The following SCNN1A variants were observed in gnomAD, a reference collection of about 807,000 sequenced individuals.
SCNN1A encodes the protein sodium channel epithelial 1 subunit alpha.
A neutral mutation model predicts 68.6 loss-of-function variants in SCNN1A; 65 were observed. The observed-to-expected ratio is 0.95, with a 90% CI of 0.78 to 1.16. SCNN1A has a LOEUF of 1.16. Ranked by LOEUF, SCNN1A falls within the 50% of genes most tolerant of loss-of-function variation. The pLI, the probability that SCNN1A is intolerant of heterozygous loss-of-function variation, is 0.00. For missense variants in SCNN1A, 880 were observed against 865.9 expected (o/e 1.02, Z -0.20); for synonymous variants, 357 against 353.3 (o/e 1.01, Z -0.12).
chr12:6,347,131 G>C lies in SCNN1A; in HGVS notation c.*742C>G, dbSNP rs1320501958. On this transcript the variant is annotated 3_prime_UTR_variant, in exon 13 of 13. Coordinates refer to ENST00000228916, the MANE Select transcript of SCNN1A (RefSeq NM_001038.6). ...ACAAAAGTAATGGTGTCTGAGCAGG[G>C]TTCTAAGGGATGCATAGGAGTTCTC... is the stretch of plus-strand genomic sequence containing the variant. 3.9e-5 allele frequency: 6 copies of C among 152,534 alleles called. No individual in the cohort carries two copies. The highest frequency in any genetic ancestry group is 1.4e-4 in the African/African-American group (6 of 41,454). 9.4% of individuals were successfully genotyped at this position (152,534 alleles called of 1,614,324 possible).
chr12:6,377,114 G>T, upstream of SCNN1A: 1 of 636,988 alleles, frequency 1.6e-6, no homozygotes, highest in South Asian at 2.3e-5. Flanking sequence ...AGTTTAGCAG[G>T]CAAAGAAGAG....
At chr12:6,369,123 T>G (rs1217471637) in intron 2 of SCNN1A, among the ~76,000 whole-genome samples, 2 of 152,074 alleles carry the variant, frequency 1.3e-5, no homozygotes, top group Middle Eastern at 3.2e-3. Flanking sequence ...TTCCCCAGGC[T>G]GGCTCAAGTC....
Position 6,355,316 on chromosome 12 carries a change from A to C in SCNN1A, c.1099T>G (p.Phe367Val). 1 of 1,613,816 alleles carries C rather than the reference A, an allele frequency of 6.2e-7. No individual in the cohort carries two copies. The highest frequency in any genetic ancestry group is 8.5e-7 in the Non-Finnish European group (1 of 1,179,896). ...GTCTCCACGCCAGGCCGCAAGTTAA[A>C]GCCACCATCATCCATAAAGGCAGGT... ...DEPAFMDDGGFNLRPGVETSI... is the reference protein window; with the variant it reads ...DEPAFMDDGGVNLRPGVETSI... The change falls in exon 6 of 13, where the codon TTT (phenylalanine) becomes GTT (valine). Residue 367 changes from phenylalanine to valine, a missense_variant. Phe to Val is a conservative substitution (Grantham distance 50). Coordinates refer to ENST00000228916, the MANE Select transcript of SCNN1A (RefSeq NM_001038.6).
rs574585318 is a variant in SCNN1A, at chr12:6,362,185, C to T, written c.741G>A (p.Ala247=). Residue 247 remains alanine (A), a synonymous_variant, in exon 4 of 13, where the codon GCG becomes GCA. Transcript: ENST00000228916. ...FYQTYSSGVD[A]VREWYRFHYI... ...AGTGGAAGCGGTACCACTCCCTCAC[C>T]GCATCCACCCCTGATGAGTATGTCT... The T allele has an allele frequency of 2.9e-5, 47 of 1,614,194 alleles. No homozygotes were observed. Among genetic ancestry groups the T allele is most frequent in the African/African-American group, 6.7e-5 (5 of 75,060 alleles).
At chr12:6,354,710 T>C (rs202244828) in intron 7 of SCNN1A, 40 bp downstream of exon 7, 9 of 1,557,824 alleles carry the variant, frequency 5.8e-6, no homozygotes, top group Non-Finnish European at 8.0e-6. Flanking sequence ...GCCAGGGCAG[T>C]GGCTGGGAGT....
Position 6,374,832 on chromosome 12 carries a change from G to A in SCNN1A, c.-49C>T, listed in dbSNP as rs1948870128. 1.2e-6 allele frequency: 2 copies of A among 1,614,088 alleles called. No individual in the cohort carries two copies. The highest frequency in any genetic ancestry group is 1.7e-6 in the Non-Finnish European group (2 of 1,180,026). On this transcript the variant is annotated 5_prime_UTR_variant, in exon 2 of 13. Coordinates refer to ENST00000228916, the MANE Select transcript of SCNN1A (RefSeq NM_001038.6). The surrounding 1 kb of genome is among the most constrained non-coding windows in gnomAD (Gnocchi z 6.2). ...GTCTAGGGTCCTGCTCCTCCAGCTT[G>A]TTCCCCTTCATGAGCCCCGGAGTGG...
rs10849447 is a variant in SCNN1A, at chr12:6,375,543, T to C, written c.-93A>G. ...CGGCCTGGCTGGGGAGCCCGCCCGC[T>C]GGCCGGCCAGGGATGGAAGCGACAG... On this transcript the variant is annotated 5_prime_UTR_variant, in exon 1 of 13. Coordinates refer to ENST00000228916, the MANE Select transcript of SCNN1A (RefSeq NM_001038.6). The C allele has an allele frequency of 0.57, 869,885 of 1,533,478 alleles. 256,433 individuals carry two copies. Among genetic ancestry groups the C allele is most frequent in the African/African-American group, 0.91 (66,684 of 73,000 alleles). The allele number at this position is 1,533,478 out of a possible 1,614,324, so 95.0% of individuals were successfully genotyped here. A position where few individuals can be genotyped will look rare whatever the true frequency, so the allele number is the denominator to read the frequency against.
At chr12:6,375,432 C>T (rs916725378) in intron 1 of SCNN1A, 73 bp downstream of exon 1, 16 of 1,533,122 alleles carry the variant, frequency 1.0e-5, no homozygotes, top group Non-Finnish European at 1.4e-5. Flanking sequence ...GCTTCCCACT[C>T]CCAGGTTGCG....
intron 2 of SCNN1A, 171 bp from the exon 3 acceptor site, chr12:6,363,881 C>T: frequency 1.9e-6 from 1 of 517,576 alleles, no homozygotes. Flanking sequence ...GAAGGGTAAA[C>T]AGGTGTGTCC....
intron 4 of SCNN1A, among the ~76,000 whole-genome samples, chr12:6,357,499 G>C (rs1445917459): frequency 6.6e-6 from 1 of 151,996 alleles, no homozygotes; most frequent in Non-Finnish European, 1.5e-5. Flanking sequence ...GCTTGAACTT[G>C]GGAGGTTGCA....
chr12:6,355,010 C>T (rs1005301277), intron 6 of SCNN1A, among the ~76,000 whole-genome samples, 162 bp from the exon 7 acceptor site: 2 of 152,102 alleles, frequency 1.3e-5, no homozygotes, highest in Admixed American at 1.3e-4. Context: ...ACCCACTGCT[C>T]ATTTCAAGGC....
intron 4 of SCNN1A, among the ~76,000 whole-genome samples, chr12:6,360,724 A>T (rs1948567312): frequency 6.6e-6 from 1 of 152,174 alleles, no homozygotes. Flanking sequence ...GGCTCCGGAA[A>T]ATAAACGAGC....
In SCNN1A at chr12:6,363,996, C is replaced by A. The variant is rs1223672932; in HGVS notation, c.417-286G>T. 1.3e-5 allele frequency: 4 copies of A among 311,324 alleles called. No homozygotes were observed. In the East Asian group the frequency reaches 2.1e-4, roughly 16 times the overall value. The allele number at this position is 311,324 out of a possible 1,614,324, so 19.3% of individuals were successfully genotyped here. A position where few individuals can be genotyped will look rare whatever the true frequency, so the allele number is the denominator to read the frequency against. On this transcript the variant is annotated intron_variant, in intron 2 of 12. Coordinates refer to ENST00000228916, the MANE Select transcript of SCNN1A (RefSeq NM_001038.6). Reference sequence around the variant, plus strand: ...GTCGTCTGTGGGGCGCTCTCCCCCTCGCCCGGACCTAGAAGGGAACCCGGA... The same window carrying A: ...GTCGTCTGTGGGGCGCTCTCCCCCTAGCCCGGACCTAGAAGGGAACCCGGA...
At chr12:6,377,157 T>A (rs553139210), upstream of SCNN1A, 37 of 1,026,108 alleles carry the variant, frequency 3.6e-5, 1 homozygote, top group African/African-American at 5.8e-4. Flanking sequence ...GGGTCCAACC[T>A]GGTCTGTGGC....
rs565634403 is a variant in SCNN1A, at chr12:6,363,849, C to T, written c.417-139G>A. 1,112 of 727,550 alleles carry T rather than the reference C, an allele frequency of 1.5e-3. 4 individuals carry two copies. The highest frequency in any genetic ancestry group is 6.2e-3 in the Middle Eastern group (15 of 2,432). 45.1% of individuals were successfully genotyped at this position (727,550 alleles called of 1,614,324 possible). A position where few individuals can be genotyped will look rare whatever the true frequency, so the allele number is the denominator to read the frequency against. On this transcript the variant is annotated intron_variant, in intron 2 of 12. Coordinates refer to ENST00000228916, the MANE Select transcript of SCNN1A (RefSeq NM_001038.6). Reference sequence around the variant, plus strand: ...CTGGGCGGGGCTGGGGTCGTCGTGGCGCCTCCTGGCCGTCCGGCGGTGAAG... The same window carrying T: ...CTGGGCGGGGCTGGGGTCGTCGTGGTGCCTCCTGGCCGTCCGGCGGTGAAG...
At position 6,354,793 on chromosome 12, in the gene SCNN1A, T is replaced by A; in HGVS notation, c.1199A>T (p.Asp400Val). 1 of 1,613,956 alleles carries A rather than the reference T, an allele frequency of 6.2e-7. No homozygotes were observed. Among genetic ancestry groups the A allele is most frequent in the Non-Finnish European group, 8.5e-7 (1 of 1,179,978 alleles). The change falls in exon 7 of 13, where the codon GAT (aspartate) becomes GTT (valine). Residue 400 changes from aspartate (D) to valine (V), a missense_variant. Asp to Val is a radical substitution (Grantham distance 152, BLOSUM62 -3). Around this residue, in one of 3 missense-constraint regions of SCNN1A, gnomAD observed 758 missense variants for 721.8 expected, o/e 1.05. Coordinates refer to ENST00000228916, the MANE Select transcript of SCNN1A (RefSeq NM_001038.6). The stretch of plus-strand genomic sequence containing the variant: ...AGGGTAAAGGTTCTCAACAGGAACA[T>A]CACTGCCATTCTTGGTGCAGTCGCC... ...DYGDCTKNGS[D>V]VPVENLYPSK... is the part of the protein sequence containing the mutation.
chr12:6,370,436 G>T (rs575127325), intron 2 of SCNN1A, among the ~76,000 whole-genome samples: 1 of 152,260 alleles, frequency 6.6e-6, no homozygotes, highest in South Asian at 2.1e-4. Flanking sequence ...GACCCTGGGA[G>T]ACTTGGAGGC....
intron 2 of SCNN1A, among the ~76,000 whole-genome samples, chr12:6,366,726 G>A (rs879334341): frequency 4.6e-5 from 7 of 152,110 alleles, no homozygotes; most frequent in Admixed American, 4.6e-4. Flanking sequence ...CTTGAACCCG[G>A]GAGGCGGAGG....
chr12:6,361,611 C>T (rs1233696627), intron 4 of SCNN1A, among the ~76,000 whole-genome samples: 5 of 152,220 alleles, frequency 3.3e-5, no homozygotes, highest in East Asian at 3.9e-4. Context: ...GGCGTGGTGG[C>T]GCATGACTGT....
Sources: gnomAD v4.1 joint callset for allele counts (sites outside exome capture counted in the v4.1 genomes callset) on GRCh38, gnomAD v4.1.1 for gene constraint, gnomAD v4.1.1 regional missense constraint, Gnocchi (gnomAD v3.1) non-coding constraint, MANE v1.5 for transcripts, NCBI Gene and HGNC (gene_info 2026-07-23, HGNC 2026-07-21) for gene names.